The following DHX38 variants were observed in gnomAD, a reference collection of about 807,000 sequenced individuals.
The protein encoded by DHX38 is DEAH-box helicase 38, also known as pre-mRNA-splicing factor ATP-dependent RNA helicase PRP16.
DHX38 carries 100 observed loss-of-function variants against 153.1 expected under a neutral mutation model. The ratio of observed to expected loss-of-function variants is 0.65; its 90% CI spans 0.56 to 0.77. DHX38 has a LOEUF of 0.77. Among genes scored for constraint, DHX38 ranks in the 30% least tolerant of loss-of-function variants. The probability of loss-of-function intolerance (pLI) is 0.00; values close to 1 mark genes in which losing one functional copy is unlikely to be tolerated. For missense variants in DHX38, 1,440 were observed against 1,654.0 expected, an observed-to-expected ratio of 0.87 and a Z score of 2.24; for synonymous variants, 650 against 631.7, an observed-to-expected ratio of 1.03 and a Z score of -0.43.
At chr16:72,095,856 C>T (rs1290320146) in intron 1 of DHX38, among the ~76,000 whole-genome samples, 1 of 151,678 alleles carries the variant, frequency 6.6e-6, no homozygotes, top group Admixed American at 6.6e-5. Flanking sequence ...TTTTTATTGC[C>T]TCTTGGATCT....
At position 72,097,009 on chromosome 16, in the gene DHX38, G is replaced by C. The variant is rs2042030734; in HGVS notation, c.511G>C (p.Asp171His). Residue 171 changes from aspartate (D) to histidine (H), a missense_variant and splice_region_variant, in exon 3 of 27, where the codon GAT (aspartate) becomes CAT (histidine). Physicochemically the swap from Asp to His is moderately conservative, Grantham distance 81. Transcript: ENST00000268482. ...DRDYDRKRDR[D>H]ERDRSRHSSR... is the part of the protein sequence containing the mutation. ...AGACTATGACCGCAAGAGGGACAGAGGTAAACTGTCCAGCACAGTTCCTAT... is the reference window on the plus strand; with the variant it reads ...AGACTATGACCGCAAGAGGGACAGACGTAAACTGTCCAGCACAGTTCCTAT... 1 of 1,613,226 alleles carries C rather than the reference G, an allele frequency of 6.2e-7. No individual in the cohort carries two copies. The highest frequency in any genetic ancestry group is 8.5e-7 in the Non-Finnish European group (1 of 1,179,518).
chr16:72,101,072 C>T lies in DHX38; in HGVS notation c.1279-14C>T. ...GATTTTAACGGGCATCGCTCTTTCT[C>T]CCCACTGCTGCAGCCGGAGCCGGTG... On this transcript the variant is annotated splice_polypyrimidine_tract_variant and intron_variant, in intron 9 of 26. Coordinates refer to ENST00000268482, the MANE Select transcript of DHX38 (RefSeq NM_014003.4). The T allele has an allele frequency of 6.2e-7, 1 of 1,613,558 alleles. No homozygotes were observed. Among genetic ancestry groups the T allele is most frequent in the Non-Finnish European group, 8.5e-7 (1 of 1,179,504 alleles).
At position 72,105,092 on chromosome 16, in the gene DHX38, C is replaced by T. The variant is rs745887024; in HGVS notation, c.2217C>T (p.Ala739=). Residue 739 remains alanine (A), a synonymous_variant, in exon 16 of 27, where the codon GCC becomes GCT. Transcript: ENST00000268482. ...CCTTGCAGGTGCACCTGTCGGGGGCCCCTGGAGACATCCTTATCTTCATGC... is the reference window on the plus strand; with the variant it reads ...CCTTGCAGGTGCACCTGTCGGGGGCTCCTGGAGACATCCTTATCTTCATGC... ...KQSLQVHLSG[A]PGDILIFMPG... The T allele has an allele frequency of 3.7e-6, 6 of 1,614,054 alleles. No individual in the cohort carries two copies. In the African/African-American group the frequency reaches 5.3e-5, roughly 14 times the overall value.
In DHX38 at chr16:72,105,479, AG is replaced by A; in HGVS notation, c.2380-35del. 1.9e-6 allele frequency: 3 copies of A among 1,612,264 alleles called. No individual in the cohort carries two copies. In the South Asian group the frequency reaches 3.3e-5, roughly 18 times the overall value. ...CCCTCGCGGAGCCTTTCCTGTCTCG[AG>A]GGACTCATTTTTCCCTTCCTGTATG... On this transcript the variant is annotated intron_variant, in intron 17 of 26. Transcript: ENST00000268482.
chr16:72,110,706 A>C (rs1338414798), intron 25 of DHX38, among the ~76,000 whole-genome samples: 1 of 152,218 alleles, frequency 6.6e-6, no homozygotes, highest in African/African-American at 2.4e-5. Context: ...TCAAAAAAGA[A>C]GGAAATGTAA....
Position 72,100,474 on chromosome 16 carries a change from TG to T in DHX38, c.1159del (p.Val387TrpfsTer21). On this transcript the variant is annotated frameshift_variant, in exon 9 of 27. Coordinates refer to ENST00000268482, the MANE Select transcript of DHX38 (RefSeq NM_014003.4). LOFTEE classifies it high-confidence loss of function. The part of the protein sequence containing the change: ...RWETNRMLTS[G>X]VVHRLEVDED... ...GGGAGACAAACCGCATGCTCACCAG[TG>T]GGGTGGTCCATCGGCTGGAGGTGGA... The T allele has an allele frequency of 1.2e-6, 2 of 1,613,984 alleles. No homozygotes were observed. The highest frequency in any genetic ancestry group is 1.3e-5 in the African/African-American group (1 of 74,990).
In DHX38 at chr16:72,103,795, G is replaced by A. The variant is rs2042133548; in HGVS notation, c.1824+7G>A. ...GGGAAACCTTGGCGAGGAGGTGAGTGGGCGTGGGGGCTGAGCCATGTAGTT... is the reference window on the plus strand; with the variant it reads ...GGGAAACCTTGGCGAGGAGGTGAGTAGGCGTGGGGGCTGAGCCATGTAGTT... On this transcript the variant is annotated splice_region_variant and intron_variant, in intron 13 of 26. Transcript: ENST00000268482. 6.2e-7 allele frequency: 1 copy of A among 1,607,846 alleles called. No homozygotes were observed. Among genetic ancestry groups the A allele is most frequent in the African/African-American group, 1.3e-5 (1 of 74,816 alleles).
Position 72,104,763 on chromosome 16 carries a change from G to A in DHX38, c.2151+137G>A. The A allele has an allele frequency of 7.9e-7, 1 of 1,265,734 alleles. No homozygotes were observed. The highest frequency in any genetic ancestry group is 1.1e-6 in the Non-Finnish European group (1 of 899,626). The allele number at this position is 1,265,734 out of a possible 1,614,324, so 78.4% of individuals were successfully genotyped here. A position where few individuals can be genotyped will look rare whatever the true frequency, so the allele number is the denominator to read the frequency against. ...TGGGGACCATGGGGCAAATGGGGCA[G>A]CCTGCAGCTCTGGGACTCGGGGACA... is the stretch of plus-strand genomic sequence containing the variant. On this transcript the variant is annotated intron_variant, in intron 15 of 26. Coordinates refer to ENST00000268482, the MANE Select transcript of DHX38 (RefSeq NM_014003.4). This position sits in a 1 kb window ranked among gnomAD's most constrained non-coding sequence, Gnocchi z 4.5.
intron 21 of DHX38, 148 bp from the exon 22 acceptor site, chr16:72,108,079 T>C: frequency 2.0e-6 from 2 of 1,005,014 alleles, no homozygotes; most frequent in Admixed American, 5.6e-5. Context: ...TTAAAAATTA[T>C]TTTAATTTTT....
In DHX38 at chr16:72,094,868, A is replaced by G. The variant is rs572384490; in HGVS notation, c.-20+817A>G. ...ACTGCGTAGAATGGCAGTCCAGGGT[A>G]CCTTTCCTAGTTTAGACAACTATTG... On this transcript the variant is annotated intron_variant, in intron 1 of 26. Coordinates refer to ENST00000268482, the MANE Select transcript of DHX38 (RefSeq NM_014003.4). Among the ~76,000 whole-genome samples the G allele has an allele frequency of 2.0e-5, 3 of 152,356 alleles. No individual in the cohort carries two copies. In the East Asian group the frequency reaches 5.8e-4, roughly 29 times the overall value.
chr16:72,097,891 C>A, intron 4 of DHX38, 110 bp downstream of exon 4: 2 of 1,027,520 alleles, frequency 1.9e-6, no homozygotes, highest in South Asian at 1.4e-5. Flanking sequence ...ATTCCCGATT[C>A]TACCATGAAC....
At chr16:72,110,621 G>A (rs955314319) in intron 25 of DHX38, among the ~76,000 whole-genome samples, 1 of 152,216 alleles carries the variant, frequency 6.6e-6, no homozygotes, top group Non-Finnish European at 1.5e-5. Context: ...TCTTATGCCT[G>A]TCTCTTCCAG....
Position 72,106,021 on chromosome 16 carries a change from T to C in DHX38, c.2504T>C (p.Ile835Thr). 6.2e-7 allele frequency: 1 copy of C among 1,614,154 alleles called. No individual in the cohort carries two copies. Among genetic ancestry groups the C allele is most frequent in the Non-Finnish European group, 8.5e-7 (1 of 1,180,006 alleles). The change falls in exon 19 of 27, where the codon ATT (isoleucine) becomes ACT (threonine). Residue 835 changes from isoleucine (I) to threonine (T), a missense_variant. Physicochemically the swap from Ile to Thr is moderately conservative, Grantham distance 89. This residue lies in a region of DHX38 where 543 missense variants were observed against 717.9 expected (regional missense o/e 0.76). Transcript: ENST00000268482. ...CCCTCCTAGGTCTTCAACCCCAGGA[T>C]TGGCATGGATGCTCTGCAGATCTAT... ...YCKLKVFNPR[I>T]GMDALQIYPI... is the part of the protein sequence containing the mutation.
Position 72,104,062 on chromosome 16 carries a change from T to C in DHX38, c.1941T>C (p.Ser647=), listed in dbSNP as rs888370274. 4 of 1,614,032 alleles carry C rather than the reference T, an allele frequency of 2.5e-6. No individual in the cohort carries two copies. Among genetic ancestry groups the C allele is most frequent in the Admixed American group, 1.7e-5 (1 of 60,004 alleles). The change falls in exon 14 of 27, where the codon AGT becomes AGC. Residue 647 remains serine, a synonymous_variant. Transcript: ENST00000268482. The surrounding 1 kb of genome is among the most constrained non-coding windows in gnomAD (Gnocchi z 4.5). ...SLREADLDHY[S]AIIMDEAHER... is the part of the protein sequence containing the mutation. ...GGGAAGCCGACCTGGATCACTACAG[T>C]GCCATCATCATGGACGAGGCCCACG...
Position 72,104,504 on chromosome 16 carries a change from G to A in DHX38, c.2029G>A (p.Asp677Asn), listed in dbSNP as rs778058374. The A allele has an allele frequency of 1.9e-6, 3 of 1,613,994 alleles. No individual in the cohort carries two copies. Among genetic ancestry groups the A allele is most frequent in the Non-Finnish European group, 2.5e-6 (3 of 1,180,020 alleles). Residue 677 changes from aspartate to asparagine, a missense_variant, in exon 15 of 27, where the codon GAC becomes AAC. By Grantham distance (23) the Asp-to-Asn change is conservative. Coordinates refer to ENST00000268482, the MANE Select transcript of DHX38 (RefSeq NM_014003.4). The surrounding 1 kb of genome is among the most constrained non-coding windows in gnomAD (Gnocchi z 4.5). Reference protein sequence around the residue: ...LLREVVARRSDLKLIVTSATM... With the variant: ...LLREVVARRSNLKLIVTSATM... ...CTCTCAGGTAGTGGCTCGGCGCTCAGACCTGAAGCTCATCGTCACATCAGC... is the reference window on the plus strand; with the variant it reads ...CTCTCAGGTAGTGGCTCGGCGCTCAAACCTGAAGCTCATCGTCACATCAGC...
Position 72,107,138 on chromosome 16 carries a change from A to AG in DHX38, c.2601-202_2601-201insG, listed in dbSNP as rs1299127685. On this transcript the variant is annotated intron_variant, in intron 19 of 26. Transcript: ENST00000268482. The surrounding 1 kb of genome is among the most constrained non-coding windows in gnomAD (Gnocchi z 5.3). Reference sequence around the variant, plus strand: ...ACAGAGTGAGACTCTGTCTAAAAAAAAAAGAAATGAAACATGTAAGAGGCT... The same window carrying AG: ...ACAGAGTGAGACTCTGTCTAAAAAAAGAAAGAAATGAAACATGTAAGAGGCT... Among the ~76,000 whole-genome samples, 5 of 152,228 alleles carry AG rather than the reference A, an allele frequency of 3.3e-5. No individual in the cohort carries two copies. The highest frequency in any genetic ancestry group is 6.5e-5 in the Admixed American group (1 of 15,286).
Position 72,096,252 on chromosome 16 carries a change from C to T in DHX38, c.95C>T (p.Ala32Val), listed in dbSNP as rs867897120. ...VGGLICKSKS[A>V]ASEQHVFKAP... is the part of the protein sequence containing the mutation. ...GGTCTTATTTGCAAGTCCAAAAGTG[C>T]GGCCAGCGAGCAGCATGTCTTCAAG... Residue 32 changes from alanine (A) to valine (V), a missense_variant, in exon 2 of 27, where the codon GCG becomes GTG. By Grantham distance (64) the Ala-to-Val change is moderately conservative. Transcript: ENST00000268482. The T allele has an allele frequency of 9.3e-6, 15 of 1,614,060 alleles. No individual in the cohort carries two copies. Among genetic ancestry groups the T allele is most frequent in the Admixed American group, 5.0e-5 (3 of 60,000 alleles).
Position 72,099,803 on chromosome 16 carries a change from C to G in DHX38, c.1032C>G (p.Ser344=). The G allele has an allele frequency of 6.2e-7, 1 of 1,614,154 alleles. No homozygotes were observed. The highest frequency in any genetic ancestry group is 8.5e-7 in the Non-Finnish European group (1 of 1,180,012). The change falls in exon 8 of 27, where the codon TCC becomes TCG. Residue 344 remains serine (S), a synonymous_variant. Coordinates refer to ENST00000268482, the MANE Select transcript of DHX38 (RefSeq NM_014003.4). Reference sequence around the variant, plus strand: ...TCCACAACCCGCTGGCCTACTCCTCCGAGGACTACGTGAGGAGGCGGGAGC... The same window carrying G: ...TCCACAACCCGCTGGCCTACTCCTCGGAGGACTACGTGAGGAGGCGGGAGC... The part of the protein sequence containing the change: ...DEFHNPLAYS[S]EDYVRRREQH...
Position 72,101,506 on chromosome 16 carries a change from C to A in DHX38, c.1393C>A (p.His465Asn), listed in dbSNP as rs777032821. The part of the protein sequence containing the change: ...REQKERKKAQ[H>N]KHWELAGTKL... Reference sequence around the variant, plus strand: ...TGACCTTTTTCCTTTTCAGGCTCAGCACAAACACTGGGAACTGGCGGGGAC... The same window carrying A: ...TGACCTTTTTCCTTTTCAGGCTCAGAACAAACACTGGGAACTGGCGGGGAC... The change falls in exon 11 of 27, where the codon CAC (histidine) becomes AAC (asparagine). Residue 465 changes from histidine (H) to asparagine (N), a missense_variant. This residue lies in a region of DHX38 where 241 missense variants were observed against 229.5 expected (regional missense o/e 1.05). Transcript: ENST00000268482. 9.5e-5 allele frequency: 148 copies of A among 1,551,660 alleles called. No individual in the cohort carries two copies. In the South Asian group the frequency reaches 1.6e-3, roughly 17 times the overall value.
Sources: allele counts gnomAD v4.1 joint callset (sites outside exome capture counted in the v4.1 genomes callset), GRCh38; gene constraint gnomAD v4.1.1; regional missense constraint gnomAD v4.1.1; non-coding constraint Gnocchi (gnomAD v3.1); transcripts MANE v1.5; gene names NCBI Gene and HGNC (gene_info 2026-07-23, HGNC 2026-07-21).